The following TP63 variants were observed in gnomAD, a reference collection of about 807,000 sequenced individuals.
TP63 encodes tumor protein p63.
A neutral mutation model predicts 82.8 loss-of-function variants in TP63; 17 were observed. That is an observed-to-expected ratio of 0.21 (90% CI 0.14 to 0.31). The LOEUF is 0.31. Ranked by LOEUF, TP63 falls within the 10% of genes least tolerant of loss-of-function variation. The probability of loss-of-function intolerance (pLI) is 1.00; values close to 1 mark genes in which losing one functional copy is unlikely to be tolerated. For synonymous variants in TP63, 330 were observed against 321.7 expected, an observed-to-expected ratio of 1.03 and a Z score of -0.28; for missense variants, 648 against 895.3, an observed-to-expected ratio of 0.72 and a Z score of 3.52.
chr3:189,819,285 T>C (rs1321487517), intron 4 of TP63, among the ~76,000 whole-genome samples: 1 of 149,600 alleles, frequency 6.7e-6, no homozygotes, highest in African/African-American at 2.5e-5. Flanking sequence ...AAATGTGCAC[T>C]TTTTTTTTAA....
intron 4 of TP63, among the ~76,000 whole-genome samples, chr3:189,832,463 T>A (rs1482149792): frequency 6.6e-6 from 1 of 152,192 alleles, no homozygotes; most frequent in Non-Finnish European, 1.5e-5. Context: ...GCTCGCCAGC[T>A]AAACCTAAAA....
intron 3 of TP63, among the ~76,000 whole-genome samples, chr3:189,769,687 T>C (rs543529106): frequency 8.5e-5 from 13 of 152,310 alleles, no homozygotes; most frequent in African/African-American, 2.9e-4. Context: ...TCAAAATGAC[T>C]GTGCCCATTT....
chr3:189,740,995 C>T (rs1720940116), intron 3 of TP63, among the ~76,000 whole-genome samples: 1 of 152,082 alleles, frequency 6.6e-6, no homozygotes, highest in African/African-American at 2.4e-5. Context: ...GCTGTACTTG[C>T]CATGTCCAGT....
chr3:189,648,942 C>T (rs917540664), intron 1 of TP63, among the ~76,000 whole-genome samples: 7 of 147,036 alleles, frequency 4.8e-5, no homozygotes, highest in Admixed American at 2.0e-4. Flanking sequence ...ATGGCAAAGG[C>T]AGGATTAAAT....
intron 1 of TP63, among the ~76,000 whole-genome samples, chr3:189,652,305 A>G (rs114554137): frequency 0.03 from 4,347 of 147,008 alleles, 688 homozygotes; most frequent in African/African-American, 0.11. Flanking sequence ...CCTGGATGTG[A>G]GACATAAAGT....
intron 3 of TP63, among the ~76,000 whole-genome samples, chr3:189,774,330 T>G (rs1422936665): frequency 1.3e-5 from 2 of 152,340 alleles, no homozygotes; most frequent in East Asian, 3.9e-4. Context: ...AAGAAAAAAT[T>G]GCTTTCTTCC....
chr3:189,609,217 G>A, the TP63 span, among the ~76,000 whole-genome samples: 1 of 152,070 alleles, frequency 6.6e-6, no homozygotes, highest in Non-Finnish European at 1.5e-5. Flanking sequence ...GGTGATGGAT[G>A]AGTTTCATGT....
At chr3:189,750,588 T>G (rs1331856213) in intron 3 of TP63, among the ~76,000 whole-genome samples, 2 of 103,602 alleles carry the variant, frequency 1.9e-5, no homozygotes, top group Non-Finnish European at 5.1e-5. Flanking sequence ...ATATATCCCA[T>G]GAACATGTAA....
chr3:189,643,356 T>A (rs1345764234), intron 1 of TP63, among the ~76,000 whole-genome samples: 1 of 152,032 alleles, frequency 6.6e-6, no homozygotes, highest in Non-Finnish European at 1.5e-5. Context: ...AATGTTTCCA[T>A]TAGAACCCTT....
At chr3:189,859,113 A>G (rs1716682747) in intron 4 of TP63, among the ~76,000 whole-genome samples, 1 of 152,198 alleles carries the variant, frequency 6.6e-6, no homozygotes. Flanking sequence ...GCTAGAAGGG[A>G]GGATTTTGAA....
At chr3:189,665,330 A>G (rs557321465) in intron 1 of TP63, among the ~76,000 whole-genome samples, 3 of 152,276 alleles carry the variant, frequency 2.0e-5, no homozygotes, top group African/African-American at 7.2e-5. Flanking sequence ...GAATAGAGGA[A>G]TATCACAAAT....
the TP63 span, among the ~76,000 whole-genome samples, chr3:189,617,998 T>TACAGTA: frequency 6.6e-6 from 1 of 152,210 alleles, no homozygotes; most frequent in African/African-American, 2.4e-5. Flanking sequence ...AAACTGTCTG[T>TACAGTA]ACCCAATATA....
At position 189,682,553 on chromosome 3, in the gene TP63, AATATATATATAT is replaced by A. The variant is rs1179179631; in HGVS notation, c.62+51007_62+51018del. Among the ~76,000 whole-genome samples, 88 of 10,326 alleles carry A rather than the reference AATATATATATAT, an allele frequency of 8.5e-3. 1 individual carries two copies. Among genetic ancestry groups the A allele is most frequent in the African/African-American group, 0.016 (74 of 4,638 alleles). 6.8% of individuals were successfully genotyped at this position (10,326 alleles called of 152,430 possible). On this transcript the variant is annotated intron_variant, in intron 1 of 13. Coordinates refer to ENST00000264731, the MANE Select transcript of TP63 (RefSeq NM_003722.5). ...CCTAAGGGGAAAAAAAAAAAAAAAA[AATATATATATAT>A]ATATATATATATATATATATATATA... is the stretch of plus-strand genomic sequence containing the variant.
chr3:189,834,371 C>T (rs775884802), intron 4 of TP63, among the ~76,000 whole-genome samples: 1 of 151,800 alleles, frequency 6.6e-6, no homozygotes, highest in Non-Finnish European at 1.5e-5. Flanking sequence ...GGAGGAAAGA[C>T]AGGGGAAATT....
chr3:189,599,996 A>G, the TP63 span, among the ~76,000 whole-genome samples: 2 of 152,226 alleles, frequency 1.3e-5, no homozygotes, highest in African/African-American at 2.4e-5. Context: ...TTGTATTTCA[A>G]AAATGGATAC....
intron 3 of TP63, among the ~76,000 whole-genome samples, chr3:189,806,840 G>T (rs977487108): frequency 2.0e-5 from 3 of 152,010 alleles, no homozygotes; most frequent in African/African-American, 7.2e-5. Flanking sequence ...ATGCTTCCTG[G>T]ACTGAATGGA....
At position 189,713,467 on chromosome 3, in the gene TP63, T is replaced by A. The variant is rs191961546; in HGVS notation, c.63-24273T>A. On this transcript the variant is annotated intron_variant, in intron 1 of 13. Coordinates refer to ENST00000264731, the MANE Select transcript of TP63 (RefSeq NM_003722.5). ...TCTTTTCATTTGAAACGAGTTCATCTTATTCCAAACGTTTAGGGGGTAATC... is the reference window on the plus strand; with the variant it reads ...TCTTTTCATTTGAAACGAGTTCATCATATTCCAAACGTTTAGGGGGTAATC... Among the ~76,000 whole-genome samples the A allele has an allele frequency of 1.9e-3, 283 of 152,278 alleles. 1 individual carries two copies. The highest frequency in any genetic ancestry group is 0.014 in the Middle Eastern group (4 of 294).
intron 1 of TP63, among the ~76,000 whole-genome samples, chr3:189,684,649 G>A (rs1230635648): frequency 1.5e-5 from 1 of 67,732 alleles, no homozygotes; most frequent in Non-Finnish European, 3.0e-5. Context: ...TTTTTTTTTT[G>A]AGATGAATTT....
chr3:189,802,221 T>C (rs1048513834), intron 3 of TP63, among the ~76,000 whole-genome samples: 4 of 152,192 alleles, frequency 2.6e-5, no homozygotes, highest in African/African-American at 4.8e-5. Context: ...CATAATTGAA[T>C]GAATGCTTTT....
Sources: allele counts gnomAD v4.1 joint callset (sites outside exome capture counted in the v4.1 genomes callset), GRCh38; gene constraint gnomAD v4.1.1; transcripts MANE v1.5; gene names NCBI Gene and HGNC (gene_info 2026-07-23, HGNC 2026-07-21).